ARIH2: variants seen among roughly 807,000 people sequenced by gnomAD.
The protein encoded by ARIH2 is E3 ubiquitin-protein ligase ARIH2.
ARIH2 carries 12 observed loss-of-function variants against 79.8 expected under a neutral mutation model. The ratio of observed to expected loss-of-function variants is 0.15; its 90% CI spans 0.10 to 0.24. The LOEUF (loss-of-function observed/expected upper bound fraction) is 0.24. Ranked by LOEUF, ARIH2 falls within the 10% of genes least tolerant of loss-of-function variation. ARIH2 has a pLI of 1.00. For synonymous variants in ARIH2, 224 were observed against 213.9 expected (o/e 1.05, Z -0.41); for missense variants, 301 against 618.3 (o/e 0.49, Z 5.44).
At chr3:48,929,336 C>T (rs2086065712) in intron 3 of ARIH2, among the ~76,000 whole-genome samples, 1 of 151,726 alleles carries the variant, frequency 6.6e-6, no homozygotes, top group East Asian at 1.9e-4. Flanking sequence ...TCCGTCCTTC[C>T]TTCCTTCCTT....
intron 1 of ARIH2, among the ~76,000 whole-genome samples, chr3:48,920,816 C>T: frequency 1.5e-5 from 1 of 68,274 alleles, no homozygotes; most frequent in African/African-American, 4.6e-5. Context: ...AAAAAATTAG[C>T]CAGGCATGGT....
intron 3 of ARIH2, among the ~76,000 whole-genome samples, chr3:48,958,466 C>T (rs2090861781): frequency 6.6e-6 from 1 of 152,068 alleles, no homozygotes; most frequent in African/African-American, 2.4e-5. Flanking sequence ...AATCCCAGCA[C>T]TTTGGGAGGC....
At chr3:48,924,176 G>A (rs1314263456) in intron 2 of ARIH2, among the ~76,000 whole-genome samples, 1 of 151,826 alleles carries the variant, frequency 6.6e-6, no homozygotes, top group Non-Finnish European at 1.5e-5. Flanking sequence ...TTTTCCTTTT[G>A]GTAGACGTGA....
At chr3:48,950,808 T>C (rs1046712332) in intron 3 of ARIH2, among the ~76,000 whole-genome samples, 1 of 152,154 alleles carries the variant, frequency 6.6e-6, no homozygotes, top group Non-Finnish European at 1.5e-5. Flanking sequence ...ATTTCAGATA[T>C]ATTAGGTTAA....
intron 1 of ARIH2, chr3:48,919,401 C>G (rs1382395929): frequency 1.0e-5 from 4 of 387,660 alleles, no homozygotes; most frequent in African/African-American, 4.2e-5. Context: ...CCCCAGCTCG[C>G]GGGCTCCGCG....
chr3:48,979,279 TC>T (rs980574654), intron 11 of ARIH2, among the ~76,000 whole-genome samples: 34 of 152,282 alleles, frequency 2.2e-4, no homozygotes, highest in African/African-American at 7.7e-4. Context: ...AGGCTTTTGT[TC>T]CTATCAGCAA....
rs2092360692 is a variant in ARIH2 at position 48,973,596 on chromosome 3, A to G, written c.771-103A>G. 7 of 810,294 alleles carry G rather than the reference A, an allele frequency of 8.6e-6. No homozygotes were observed. In the East Asian group the frequency reaches 1.8e-4, roughly 20 times the overall value. The allele number at this position is 810,294 out of a possible 1,614,324, so 50.2% of individuals were successfully genotyped here. A position where few individuals can be genotyped will look rare whatever the true frequency, so the allele number is the denominator to read the frequency against. ...GTCTCAAAAAAAAAAAAAAAAAGAA[A>G]AAAGCTCTAATTCATGATTTGTTGG... On this transcript the variant is annotated intron_variant, in intron 8 of 15. Transcript: ENST00000356401.
chr3:48,954,300 C>T (rs746807947), intron 3 of ARIH2, among the ~76,000 whole-genome samples: 4 of 151,682 alleles, frequency 2.6e-5, no homozygotes, highest in Admixed American at 6.6e-5. Flanking sequence ...ACTAAGGCAT[C>T]GTGGTGGGCA....
chr3:48,938,816 G>A (rs1352562055), intron 3 of ARIH2, among the ~76,000 whole-genome samples: 1 of 144,842 alleles, frequency 6.9e-6, no homozygotes, highest in Non-Finnish European at 1.5e-5. Flanking sequence ...TGATCTGACT[G>A]ATGAATGTTG....
chr3:48,967,535 G>A (rs565128210), intron 6 of ARIH2, among the ~76,000 whole-genome samples: 32 of 152,312 alleles, frequency 2.1e-4, no homozygotes, highest in African/African-American at 6.7e-4. Flanking sequence ...TTGGGAGAAC[G>A]ATCCTTTAAG....
chr3:48,961,121 T>G (rs916890859), intron 3 of ARIH2, among the ~76,000 whole-genome samples: 1 of 152,346 alleles, frequency 6.6e-6, no homozygotes, highest in Non-Finnish European at 1.5e-5. Context: ...TCAGTGATTT[T>G]AAACTGAGTT....
intron 4 of ARIH2, among the ~76,000 whole-genome samples, chr3:48,962,811 T>G (rs76741108): frequency 1.3e-5 from 2 of 152,330 alleles, no homozygotes; most frequent in Non-Finnish European, 2.9e-5. Flanking sequence ...AAGCACTTGT[T>G]ACCATTCCTA....
intron 3 of ARIH2, among the ~76,000 whole-genome samples, chr3:48,941,458 A>G (rs1378618587): frequency 1.3e-5 from 2 of 152,156 alleles, no homozygotes; most frequent in Non-Finnish European, 2.9e-5. Context: ...ACCTTAGACA[A>G]ATGACTGGAA....
At position 48,986,119 on chromosome 3, in the gene ARIH2, A is replaced by T. The variant is rs1248213862; in HGVS notation, c.*2849A>T. 2 of 152,228 alleles carry T rather than the reference A, an allele frequency of 1.3e-5. No individual in the cohort carries two copies. The highest frequency in any genetic ancestry group is 2.4e-5 in the African/African-American group (1 of 41,440). The allele number at this position is 152,228 out of a possible 1,614,324, so 9.4% of individuals were successfully genotyped here. A position where few individuals can be genotyped will look rare whatever the true frequency, so the allele number is the denominator to read the frequency against. ...AGCTCAGGGGTAGAGTGGAGGCTCC[A>T]TAGCTGTGGGCAACATGCACAGGGC... On this transcript the variant is annotated 3_prime_UTR_variant, in exon 16 of 16. Coordinates refer to ENST00000356401, the MANE Select transcript of ARIH2 (RefSeq NM_006321.4).
intron 3 of ARIH2, among the ~76,000 whole-genome samples, chr3:48,947,749 A>G (rs891074532): frequency 4.6e-5 from 7 of 152,132 alleles, no homozygotes; most frequent in African/African-American, 1.4e-4. Context: ...CCGCCCTTTT[A>G]TTATGAAAAA....
chr3:48,969,393 T>A (rs1416884203), intron 7 of ARIH2, among the ~76,000 whole-genome samples: 1 of 152,160 alleles, frequency 6.6e-6, no homozygotes, highest in Non-Finnish European at 1.5e-5. Flanking sequence ...TGTCCAGGAT[T>A]CAGCGTGGTC....
chr3:48,979,400 T>C, intron 11 of ARIH2, 82 bp from the exon 12 acceptor site: 2 of 1,483,770 alleles, frequency 1.3e-6, no homozygotes, highest in Non-Finnish European at 1.8e-6. Context: ...GGGAGCAGGG[T>C]CTGTCTGTCT....
chr3:48,951,214 T>G (rs939559807), intron 3 of ARIH2, among the ~76,000 whole-genome samples: 1 of 152,172 alleles, frequency 6.6e-6, no homozygotes, highest in Non-Finnish European at 1.5e-5. Flanking sequence ...TTTGCCTGCC[T>G]TAGCCTCTGA....
intron 3 of ARIH2, among the ~76,000 whole-genome samples, chr3:48,949,307 C>T (rs966206626): frequency 2.0e-5 from 3 of 151,960 alleles, no homozygotes; most frequent in South Asian, 2.1e-4. Context: ...TTAGTAGAGT[C>T]GGGGGTTTCA....
Sources: allele counts gnomAD v4.1 joint callset (sites outside exome capture counted in the v4.1 genomes callset), GRCh38; gene constraint gnomAD v4.1.1; transcripts MANE v1.5; gene names NCBI Gene and HGNC (gene_info 2026-07-23, HGNC 2026-07-21).